EYS: variants seen among roughly 807,000 people sequenced by gnomAD.
EYS encodes EGF-like photoreceptor maintenance factor.
A neutral mutation model predicts 282.1 loss-of-function variants in EYS; 250 were observed. That is an observed-to-expected ratio of 0.89 (90% CI 0.80 to 0.98). EYS has a LOEUF of 0.98. Among genes scored for constraint, EYS ranks in the 50% least tolerant of loss-of-function variants. The pLI, the probability that EYS is intolerant of heterozygous loss-of-function variation, is 0.00. For missense variants in EYS, 4,016 were observed against 3,709.0 expected, an observed-to-expected ratio of 1.08 and a Z score of -2.15; for synonymous variants, 1,355 against 1,282.9, an observed-to-expected ratio of 1.06 and a Z score of -1.20.
intron 12 of EYS, among the ~76,000 whole-genome samples, chr6:65,250,832 A>T (rs959182259): frequency 4.0e-5 from 6 of 151,712 alleles, no homozygotes; most frequent in Non-Finnish European, 5.9e-5. Flanking sequence ...AAAAAAAATT[A>T]ATCTACCGTA....
intron 12 of EYS, among the ~76,000 whole-genome samples, chr6:65,261,602 G>A (rs1011645819): frequency 5.3e-5 from 8 of 151,990 alleles, no homozygotes; most frequent in Admixed American, 3.9e-4. Flanking sequence ...AAGCAACTAT[G>A]TATAGATAAA....
chr6:64,551,690 C>T (rs905138981), intron 26 of EYS, among the ~76,000 whole-genome samples: 1 of 151,934 alleles, frequency 6.6e-6, no homozygotes, highest in African/African-American at 2.4e-5. Context: ...GCACCCGCCA[C>T]CATGCCCAGC....
chr6:64,703,690 T>C (rs890230667), intron 22 of EYS, among the ~76,000 whole-genome samples: 1 of 151,800 alleles, frequency 6.6e-6, no homozygotes, highest in Non-Finnish European at 1.5e-5. Context: ...TCAAAGTTCA[T>C]TGAACATTGA....
chr6:63,850,296 G>A (rs536487113), intron 36 of EYS, among the ~76,000 whole-genome samples: 1 of 152,168 alleles, frequency 6.6e-6, no homozygotes, highest in South Asian at 2.1e-4. Flanking sequence ...AGCAAGACAG[G>A]CCAACATTCA....
chr6:64,955,754 C>T (rs554112491), intron 14 of EYS, among the ~76,000 whole-genome samples: 1 of 152,108 alleles, frequency 6.6e-6, no homozygotes, highest in Non-Finnish European at 1.5e-5. Flanking sequence ...CCCGGGGGAG[C>T]GGGGGAACTT....
intron 36 of EYS, among the ~76,000 whole-genome samples, chr6:63,860,925 C>T (rs1361131122): frequency 2.0e-5 from 3 of 152,058 alleles, no homozygotes; most frequent in African/African-American, 7.2e-5. Flanking sequence ...TCTTTATCTA[C>T]ACTTTCTCTT....
intron 31 of EYS, among the ~76,000 whole-genome samples, chr6:64,109,413 G>T (rs528693505): frequency 6.6e-6 from 1 of 151,934 alleles, no homozygotes; most frequent in South Asian, 2.1e-4. Flanking sequence ...CCTGTGGAAA[G>T]GCATTTTAAA....
intron 8 of EYS, among the ~76,000 whole-genome samples, chr6:65,372,425 T>C (rs1462767631): frequency 6.6e-6 from 1 of 152,106 alleles, no homozygotes; most frequent in Non-Finnish European, 1.5e-5. Flanking sequence ...ATCATTGCAG[T>C]AAGGCATAAT....
intron 33 of EYS, among the ~76,000 whole-genome samples, chr6:64,024,476 A>T (rs1410714165): frequency 6.6e-6 from 1 of 152,134 alleles, no homozygotes; most frequent in Non-Finnish European, 1.5e-5. Context: ...AATCAGCAGG[A>T]TGTGGGTGGG....
chr6:65,336,117 G>T (rs1255221706), intron 10 of EYS, among the ~76,000 whole-genome samples: 3 of 151,732 alleles, frequency 2.0e-5, no homozygotes, highest in Non-Finnish European at 4.4e-5. Flanking sequence ...TGTAGAGCCT[G>T]TGGAACTGTG....
chr6:65,627,209 A>G (rs1421032683), intron 2 of EYS, among the ~76,000 whole-genome samples: 1 of 152,232 alleles, frequency 6.6e-6, no homozygotes, highest in Non-Finnish European at 1.5e-5. Context: ...AATTTGTATT[A>G]CGCAAGAGTG....
chr6:65,282,674 A>G (rs1323934189), intron 12 of EYS, among the ~76,000 whole-genome samples: 1 of 152,000 alleles, frequency 6.6e-6, no homozygotes, highest in Non-Finnish European at 1.5e-5. Flanking sequence ...TTTTACTGTC[A>G]ATAATTGATG....
chr6:64,275,872 G>A (rs963833722), intron 30 of EYS, among the ~76,000 whole-genome samples: 3 of 151,884 alleles, frequency 2.0e-5, no homozygotes, highest in African/African-American at 7.2e-5. Flanking sequence ...GGTTGAGGCA[G>A]GAGAATTGCT....
intron 22 of EYS, among the ~76,000 whole-genome samples, chr6:64,682,838 G>T (rs1769948538): frequency 6.6e-6 from 1 of 152,052 alleles, no homozygotes; most frequent in Non-Finnish European, 1.5e-5. Flanking sequence ...TCTGAAACTT[G>T]CCTGGGTCTC....
At chr6:64,988,753 A>T (rs979252367) in intron 14 of EYS, among the ~76,000 whole-genome samples, 1 of 151,682 alleles carries the variant, frequency 6.6e-6, no homozygotes, top group East Asian at 1.9e-4. Flanking sequence ...CAGTCTTCAT[A>T]ATAGGTATTT....
At chr6:64,671,815 G>A (rs1439254944) in intron 22 of EYS, among the ~76,000 whole-genome samples, 1 of 151,898 alleles carries the variant, frequency 6.6e-6, no homozygotes, top group Admixed American at 6.6e-5. Flanking sequence ...CTCAGTGTTT[G>A]AAAAGTATTC....
chr6:64,249,063 CAAAAAAAA>C (rs34663169), intron 30 of EYS, among the ~76,000 whole-genome samples: 1 of 70,060 alleles, frequency 1.4e-5, no homozygotes, highest in African/African-American at 7.0e-5. Context: ...CACCCTGTCT[CAAAAAAAA>C]AAAAAAAAAA....
intron 35 of EYS, among the ~76,000 whole-genome samples, chr6:63,946,058 G>C (rs1765388846): frequency 1.3e-5 from 2 of 152,166 alleles, no homozygotes; most frequent in African/African-American, 4.8e-5. Flanking sequence ...TCCACAGTTA[G>C]AAGGGACTCT....
intron 22 of EYS, among the ~76,000 whole-genome samples, chr6:64,812,424 T>C (rs559130702): frequency 1.2e-4 from 18 of 152,192 alleles, no homozygotes; most frequent in South Asian, 4.1e-4. Flanking sequence ...AAATTAGCTT[T>C]TATGTATGTC....
Sources: allele counts gnomAD v4.1 joint callset (sites outside exome capture counted in the v4.1 genomes callset), GRCh38; gene constraint gnomAD v4.1.1; transcripts MANE v1.5; gene names NCBI Gene and HGNC (gene_info 2026-07-23, HGNC 2026-07-21).